The following ESRRG variants were observed in gnomAD, a reference collection of about 807,000 sequenced individuals.
ESRRG encodes the protein estrogen-related receptor gamma.
ESRRG carries 13 observed loss-of-function variants against 44.0 expected under a neutral mutation model. The observed-to-expected ratio is 0.30, with a 90% CI of 0.19 to 0.47. ESRRG has a LOEUF of 0.47. ESRRG is among the 20% of genes least tolerant of loss of function. The probability of loss-of-function intolerance (pLI) is 1.00; values close to 1 mark genes in which losing one functional copy is unlikely to be tolerated. For missense variants in ESRRG, 395 were observed against 580.6 expected (o/e 0.68, Z 3.29); for synonymous variants, 215 against 214.6 (o/e 1.00, Z -0.02).
intron 5 of ESRRG, among the ~76,000 whole-genome samples, chr1:216,524,250 TTA>T (rs34966912): frequency 0.31 from 43,832 of 140,510 alleles, 7,243 homozygotes; most frequent in East Asian, 0.54. Context: ...TATATGTAAG[TTA>T]TATATATATA....
At chr1:216,932,562 T>TA (rs771219797) in intron 2 of ESRRG, among the ~76,000 whole-genome samples, 22 of 152,008 alleles carry the variant, frequency 1.4e-4, no homozygotes, top group Non-Finnish European at 4.4e-5. Context: ...TGTATGTGTT[T>TA]AGAGACAGGG....
intron 1 of ESRRG, among the ~76,000 whole-genome samples, chr1:217,001,176 T>C (rs539655081): frequency 4.6e-5 from 7 of 152,232 alleles, no homozygotes; most frequent in African/African-American, 1.7e-4. Context: ...TCTACTATAA[T>C]ACACCTTAGT....
chr1:216,548,432 G>A (rs754159747), intron 5 of ESRRG, among the ~76,000 whole-genome samples: 5 of 151,986 alleles, frequency 3.3e-5, no homozygotes, highest in Non-Finnish European at 7.4e-5. Context: ...CTCTTTCTTC[G>A]ATGAATGATG....
chr1:216,724,680 A>T (rs1255893709), upstream of ESRRG, among the ~76,000 whole-genome samples: 6 of 152,206 alleles, frequency 3.9e-5, no homozygotes, highest in Non-Finnish European at 8.8e-5. Context: ...GTTCAAAAAA[A>T]TAAAAATAAA....
chr1:216,774,086 T>C (rs1000083193), intron 2 of ESRRG, among the ~76,000 whole-genome samples: 8 of 152,070 alleles, frequency 5.3e-5, no homozygotes, highest in African/African-American at 1.7e-4. Context: ...AGAGGCCACA[T>C]AGCTTAGGAG....
intron 1 of ESRRG, among the ~76,000 whole-genome samples, chr1:217,123,851 T>C (rs886507775): frequency 1.3e-5 from 2 of 151,998 alleles, no homozygotes; most frequent in African/African-American, 4.8e-5. Flanking sequence ...CTAACCACTA[T>C]GGCACACGCT....
intron 2 of ESRRG, among the ~76,000 whole-genome samples, chr1:216,928,266 C>T (rs918366863): frequency 5.9e-5 from 9 of 152,142 alleles, no homozygotes; most frequent in Admixed American, 1.3e-4. Context: ...GGGCAAACTC[C>T]CTTTTAGCCT....
intron 1 of ESRRG, among the ~76,000 whole-genome samples, chr1:217,066,490 C>A (rs896585773): frequency 6.6e-6 from 1 of 151,452 alleles, no homozygotes; most frequent in African/African-American, 2.4e-5. Flanking sequence ...ATCCACCTGC[C>A]TCGGCCTCCC....
At chr1:216,647,817 C>T (rs1212801327) in intron 3 of ESRRG, among the ~76,000 whole-genome samples, 1 of 152,146 alleles carries the variant, frequency 6.6e-6, no homozygotes, top group Non-Finnish European at 1.5e-5. Flanking sequence ...ACTTTATCTA[C>T]AATGGATTTG....
At chr1:216,987,797 T>G (rs2075104993) in intron 1 of ESRRG, among the ~76,000 whole-genome samples, 1 of 152,156 alleles carries the variant, frequency 6.6e-6, no homozygotes, top group Admixed American at 6.5e-5. Flanking sequence ...TATGATGGTT[T>G]GCCTATCTGC....
At chr1:216,573,262 G>T (rs777000019) in intron 3 of ESRRG, among the ~76,000 whole-genome samples, 2 of 151,878 alleles carry the variant, frequency 1.3e-5, no homozygotes, top group Admixed American at 6.6e-5. Context: ...ATTATGCAAA[G>T]AATATGTCAA....
chr1:216,561,503 C>T (rs1233902979), intron 5 of ESRRG, among the ~76,000 whole-genome samples: 1 of 152,108 alleles, frequency 6.6e-6, no homozygotes, highest in African/African-American at 2.4e-5. Flanking sequence ...TTATCAAGAA[C>T]ACAATTTCAC....
intron 3 of ESRRG, among the ~76,000 whole-genome samples, chr1:216,637,724 CTT>C (rs1022904396): frequency 6.6e-6 from 1 of 151,868 alleles, no homozygotes; most frequent in African/African-American, 2.4e-5. Flanking sequence ...TATTCACTAA[CTT>C]ATCACATGTC....
At chr1:216,869,812 T>C (rs909420852) in intron 2 of ESRRG, among the ~76,000 whole-genome samples, 1 of 152,020 alleles carries the variant, frequency 6.6e-6, no homozygotes, top group African/African-American at 2.4e-5. Flanking sequence ...GGAGCTATTA[T>C]AATTTTTTTA....
intron 2 of ESRRG, among the ~76,000 whole-genome samples, chr1:216,654,430 G>A (rs2151106065): frequency 6.6e-6 from 1 of 152,052 alleles, no homozygotes; most frequent in East Asian, 1.9e-4. Flanking sequence ...AGAAGCTCAA[G>A]ACGAGCCTGA....
intron 2 of ESRRG, among the ~76,000 whole-genome samples, chr1:216,814,135 G>A (rs1053522633): frequency 6.6e-6 from 1 of 151,388 alleles, no homozygotes; most frequent in Non-Finnish European, 1.5e-5. Flanking sequence ...AAAAAATGAT[G>A]CTTCTCTCCC....
At chr1:217,111,792 T>C (rs1253985721) in intron 1 of ESRRG, among the ~76,000 whole-genome samples, 2 of 152,286 alleles carry the variant, frequency 1.3e-5, no homozygotes, top group East Asian at 3.9e-4. Context: ...AAATTAAAGA[T>C]GGCCACAAAC....
intron 1 of ESRRG, among the ~76,000 whole-genome samples, chr1:217,071,293 C>T (rs2090530842): frequency 6.6e-6 from 1 of 152,106 alleles, no homozygotes. Flanking sequence ...ACCTTTCCCA[C>T]AAGCCCTGCA....
At chr1:217,031,254 T>C (rs539517191) in intron 1 of ESRRG, among the ~76,000 whole-genome samples, 1 of 152,312 alleles carries the variant, frequency 6.6e-6, no homozygotes, top group East Asian at 1.9e-4. Flanking sequence ...CACCTCTCCT[T>C]CCAGAGTTCG....
Sources: allele counts gnomAD v4.1 joint callset (sites outside exome capture counted in the v4.1 genomes callset), GRCh38; gene constraint gnomAD v4.1.1; transcripts MANE v1.5; gene names NCBI Gene and HGNC (gene_info 2026-07-23, HGNC 2026-07-21).